EVC: variants seen among roughly 807,000 people sequenced by gnomAD.
The protein encoded by EVC is EvC ciliary complex subunit 1.
Under a neutral mutation model 118.9 loss-of-function variants are expected in EVC, and 116 were observed. The ratio of observed to expected loss-of-function variants is 0.98; its 90% confidence interval spans 0.84 to 1.14. The LOEUF is 1.14. Ranked by LOEUF, EVC falls within the 50% of genes most tolerant of loss-of-function variation. The pLI, the probability that EVC is intolerant of heterozygous loss-of-function variation, is 0.00. For missense variants in EVC, 1,401 were observed against 1,246.4 expected (o/e 1.12, Z -1.87); for synonymous variants, 619 against 534.7 (o/e 1.16, Z -2.18).
chr4:5,770,891 T>C (rs2152212268), intron 11 of EVC, among the ~76,000 whole-genome samples: 1 of 151,982 alleles, frequency 6.6e-6, no homozygotes, highest in Middle Eastern at 3.4e-3. Context: ...GGTGTGCCTG[T>C]AATCCCAGCT....
chr4:5,731,629 G>A lies in EVC; in HGVS notation c.589G>A (p.Ala197Thr), dbSNP rs115507440. 101 of 1,613,988 alleles carry A rather than the reference G, an allele frequency of 6.3e-5. No individual in the cohort carries two copies. In the African/African-American group the frequency reaches 7.6e-4, roughly 12 times the overall value. The change falls in exon 4 of 21, where the codon GCC becomes ACC. Residue 197 changes from alanine to threonine, a missense_variant. Transcript: ENST00000264956. This position sits in a 1 kb window ranked among gnomAD's most constrained non-coding sequence, Gnocchi z 5.6. ...FLSRTFLRVNAFPEVLACESV... is the reference protein window; with the variant it reads ...FLSRTFLRVNTFPEVLACESV... ...CAGCCGCACCTTCCTCCGGGTGAAC[G>A]CCTTCCCTGAAGTGCTGGCCTGCGA...
intron 2 of EVC, among the ~76,000 whole-genome samples, chr4:5,720,045 C>A (rs983505401): frequency 2.6e-5 from 4 of 152,124 alleles, no homozygotes; most frequent in East Asian, 1.9e-4. Flanking sequence ...TAAAAAAATT[C>A]TATTTGTTCC....
Position 5,755,768 on chromosome 4 carries a change from G to C in EVC, c.1465-496G>C, listed in dbSNP as rs1054803426. 1.4e-4 allele frequency among the ~76,000 whole-genome samples: 21 copies of C among 152,116 alleles called. No individual in the cohort carries two copies. The highest frequency in any genetic ancestry group is 5.1e-4 in the African/African-American group (21 of 41,442). On this transcript the variant is annotated intron_variant, in intron 10 of 20. Coordinates refer to ENST00000264956, the MANE Select transcript of EVC (RefSeq NM_153717.3). The surrounding 1 kb of genome is among the most constrained non-coding windows in gnomAD (Gnocchi z 4.1). ...CTGATGCTCTGTTTAGGGCTGGCTG[G>C]GTCTCCCCCTGCTGATGCCCGGGTT...
chr4:5,809,485 C>G, intron 18 of EVC, 33 bp from the exon 19 acceptor site: 1 of 1,595,700 alleles, frequency 6.3e-7, no homozygotes, highest in Non-Finnish European at 8.6e-7. Flanking sequence ...AGAGGGAGGC[C>G]CAGCTGAATG....
intron 11 of EVC, among the ~76,000 whole-genome samples, chr4:5,783,087 T>C (rs1325212111): frequency 2.0e-5 from 3 of 152,026 alleles, no homozygotes; most frequent in African/African-American, 2.4e-5. Context: ...TGTGCGTGTG[T>C]GCGTGTGTGT....
chr4:5,733,376 A>G lies in EVC; in HGVS notation c.643A>G (p.Ser215Gly). The G allele has an allele frequency of 6.2e-7, 1 of 1,614,106 alleles. No individual in the cohort carries two copies. Among genetic ancestry groups the G allele is most frequent in the Non-Finnish European group, 8.5e-7 (1 of 1,179,966 alleles). ...TGTAGACGTTGACCTGTGTATCTAC[A>G]GCCTTCACTTAAAAGACCTGCTGCA... is the stretch of plus-strand genomic sequence containing the variant. Reference protein sequence around the residue: ...ESVDVDLCIYSLHLKDLLHLD... With the variant: ...ESVDVDLCIYGLHLKDLLHLD... Residue 215 changes from serine to glycine, a missense_variant, in exon 5 of 21, where the codon AGC (serine) becomes GGC (glycine). Coordinates refer to ENST00000264956, the MANE Select transcript of EVC (RefSeq NM_153717.3).
At chr4:5,750,887 G>T (rs1003339309) in intron 8 of EVC, among the ~76,000 whole-genome samples, 5 of 152,176 alleles carry the variant, frequency 3.3e-5, no homozygotes, top group Non-Finnish European at 5.9e-5. Flanking sequence ...AAAAAAGATG[G>T]CTTCCGTATC....
intron 2 of EVC, among the ~76,000 whole-genome samples, chr4:5,721,890 A>G (rs780394125): frequency 6.6e-6 from 1 of 152,206 alleles, no homozygotes; most frequent in African/African-American, 2.4e-5. Flanking sequence ...AAAGTTGACT[A>G]TAGTGATGGC....
intron 16 of EVC, among the ~76,000 whole-genome samples, chr4:5,803,442 G>A (rs1715346814): frequency 1.3e-5 from 2 of 152,182 alleles, no homozygotes; most frequent in Admixed American, 6.5e-5. Flanking sequence ...GCAGGAGACA[G>A]ACATGATTGC....
chr4:5,822,366 A>C, the EVC span, among the ~76,000 whole-genome samples: 1 of 152,314 alleles, frequency 6.6e-6, no homozygotes, highest in South Asian at 2.1e-4. Context: ...ACACTGTCCC[A>C]CACTCCAAAG....
At position 5,812,526 on chromosome 4, in the gene EVC, G is replaced by T; in HGVS notation, c.*1489G>T. On this transcript the variant is annotated 3_prime_UTR_variant, in exon 21 of 21. Coordinates refer to ENST00000264956, the MANE Select transcript of EVC (RefSeq NM_153717.3). ...AGCCAGGAGAGGCCGTTCCTGCCTG[G>T]AGAGAAGCTTCCAGACCAGCCCTTC... 6.2e-6 allele frequency: 1 copy of T among 160,262 alleles called. No homozygotes were observed. The allele number at this position is 160,262 out of a possible 1,614,324, so 9.9% of individuals were successfully genotyped here.
intron 17 of EVC, 48 bp downstream of exon 17, chr4:5,804,889 C>A: frequency 6.8e-7 from 1 of 1,481,282 alleles, no homozygotes; most frequent in Non-Finnish European, 9.4e-7. Context: ...CTACCCCATT[C>A]ACATGGCATA....
At chr4:5,796,232 G>A (rs529168510) in intron 13 of EVC, among the ~76,000 whole-genome samples, 1 of 151,940 alleles carries the variant, frequency 6.6e-6, no homozygotes, top group Non-Finnish European at 1.5e-5. Context: ...ATCATAATTA[G>A]TGTAAAGGTT....
At chr4:5,768,439 A>G (rs1733374715) in intron 11 of EVC, among the ~76,000 whole-genome samples, 1 of 152,114 alleles carries the variant, frequency 6.6e-6, no homozygotes, top group African/African-American at 2.4e-5. Flanking sequence ...TGTTTGGACG[A>G]TCAATATCCC....
At chr4:5,723,652 G>A (rs565877900) in intron 2 of EVC, among the ~76,000 whole-genome samples, 4 of 152,088 alleles carry the variant, frequency 2.6e-5, no homozygotes, top group African/African-American at 9.6e-5. Context: ...TTTTGCTTTT[G>A]TATCTTTCCC....
chr4:5,780,824 C>G (rs957103509), intron 11 of EVC, among the ~76,000 whole-genome samples: 1 of 152,192 alleles, frequency 6.6e-6, no homozygotes, highest in Non-Finnish European at 1.5e-5. Context: ...CTAAGAGTTA[C>G]TGCAGTGAAA....
chr4:5,761,292 G>T (rs557153243), intron 11 of EVC, among the ~76,000 whole-genome samples: 12 of 152,132 alleles, frequency 7.9e-5, no homozygotes, highest in African/African-American at 2.9e-4. Context: ...GAGCCCAGTG[G>T]GGATGAGCCC....
intron 6 of EVC, among the ~76,000 whole-genome samples, chr4:5,744,968 G>GTTT (rs112283154): frequency 4.3e-5 from 6 of 139,900 alleles, no homozygotes; most frequent in Non-Finnish European, 3.1e-5. Context: ...GTATGGTCTA[G>GTTT]TTTTTTTTTT....
At chr4:5,758,884 G>A (rs1268810812) in intron 11 of EVC, among the ~76,000 whole-genome samples, 1 of 152,214 alleles carries the variant, frequency 6.6e-6, no homozygotes, top group African/African-American at 2.4e-5. Flanking sequence ...GCAGCACAGA[G>A]CAATTTATTG....
Sources: gnomAD v4.1 joint callset for allele counts (sites outside exome capture counted in the v4.1 genomes callset) on GRCh38, gnomAD v4.1.1 for gene constraint, Gnocchi (gnomAD v3.1) non-coding constraint, MANE v1.5 for transcripts, NCBI Gene and HGNC (gene_info 2026-07-23, HGNC 2026-07-21) for gene names.